Variants in MIS18A observed in about 807,000 individuals in gnomAD.
MIS18A encodes protein Mis18-alpha.
In MIS18A, 14 loss-of-function variants were observed where a neutral mutation model predicts 25.0. That is an observed-to-expected ratio of 0.56 (90% confidence interval 0.37 to 0.88). The LOEUF (loss-of-function observed/expected upper bound fraction) is 0.88, where lower values mean the gene tolerates loss of function less well. MIS18A is among the 40% of genes least tolerant of loss of function. The pLI, the probability that MIS18A is intolerant of heterozygous loss-of-function variation, is 0.00. For missense variants in MIS18A, 292 were observed against 290.8 expected (o/e 1.00, Z -0.03); for synonymous variants, 134 against 118.6 (o/e 1.13, Z -0.84).
downstream of MIS18A, among the ~76,000 whole-genome samples, chr21:32,267,764 A>AC (rs2031631575): frequency 6.6e-6 from 1 of 152,250 alleles, no homozygotes; most frequent in Non-Finnish European, 1.5e-5. Flanking sequence ...ACCTGGGACT[A>AC]CATCGAGCTT....
At chr21:32,257,263 G>T in the MIS18A span, among the ~76,000 whole-genome samples, 1 of 152,216 alleles carries the variant, frequency 6.6e-6, no homozygotes, top group South Asian at 2.1e-4. Flanking sequence ...ATGGCAAAAG[G>T]AATAACCAGT....
the MIS18A span, among the ~76,000 whole-genome samples, chr21:32,242,879 A>C: frequency 6.6e-6 from 1 of 152,206 alleles, no homozygotes; most frequent in Non-Finnish European, 1.5e-5. Flanking sequence ...GACTCCTAAC[A>C]AGTGAGTGAA....
At chr21:32,269,502 T>C in intron 4 of MIS18A, 6 of 509,436 alleles carry the variant, frequency 1.2e-5, no homozygotes, top group Non-Finnish European at 2.1e-5. Context: ...GATTTTGACA[T>C]GACATGTCTT....
the MIS18A span, among the ~76,000 whole-genome samples, chr21:32,193,291 G>A: frequency 6.6e-6 from 1 of 152,088 alleles, no homozygotes; most frequent in Non-Finnish European, 1.5e-5. Flanking sequence ...AAGAGTTCAT[G>A]GACAAAGGAC....
intron 2 of MIS18A, among the ~76,000 whole-genome samples, chr21:32,270,960 G>C (rs2031704291): frequency 6.6e-6 from 1 of 152,170 alleles, no homozygotes; most frequent in Non-Finnish European, 1.5e-5. Flanking sequence ...ATTCACAAAT[G>C]GGTGCCCGCC....
At chr21:32,219,328 G>A in the MIS18A span, among the ~76,000 whole-genome samples, 1 of 152,146 alleles carries the variant, frequency 6.6e-6, no homozygotes, top group Non-Finnish European at 1.5e-5. Flanking sequence ...CACAGAGGGT[G>A]AGCAAAAGCA....
chr21:32,163,825 G>C, the MIS18A span, among the ~76,000 whole-genome samples: 1 of 152,162 alleles, frequency 6.6e-6, no homozygotes, highest in African/African-American at 2.4e-5. Context: ...GTAACATGGT[G>C]GTTGTCTTCA....
the MIS18A span, among the ~76,000 whole-genome samples, chr21:32,254,324 G>C: frequency 6.6e-6 from 1 of 152,086 alleles, no homozygotes; most frequent in African/African-American, 2.4e-5. Context: ...TGGATCACCT[G>C]AGGTCAGGAG....
the MIS18A span, among the ~76,000 whole-genome samples, chr21:32,233,806 A>G: frequency 6.6e-6 from 1 of 152,170 alleles, no homozygotes; most frequent in Non-Finnish European, 1.5e-5. Flanking sequence ...GCCCCTGGCC[A>G]TGGCAAATTG....
the MIS18A span, among the ~76,000 whole-genome samples, chr21:32,161,476 TTTTGTTTGTTTG>T: frequency 6.6e-6 from 1 of 150,442 alleles, no homozygotes; most frequent in South Asian, 2.1e-4. Flanking sequence ...GAAGCTTGTT[TTTTGTTTGTTTG>T]TTTGTTTGTT....
At chr21:32,243,606 T>C in the MIS18A span, among the ~76,000 whole-genome samples, 2 of 152,192 alleles carry the variant, frequency 1.3e-5, no homozygotes, top group South Asian at 2.1e-4. Context: ...ACATTTCTTA[T>C]AAAGTTAAAC....
the MIS18A span, among the ~76,000 whole-genome samples, chr21:32,217,996 A>T: frequency 6.6e-6 from 1 of 151,872 alleles, no homozygotes; most frequent in African/African-American, 2.4e-5. Context: ...GATCGATACC[A>T]TCCTGGCTAA....
the MIS18A span, among the ~76,000 whole-genome samples, chr21:32,258,502 C>T: frequency 2.0e-5 from 3 of 152,088 alleles, no homozygotes; most frequent in Non-Finnish European, 4.4e-5. Context: ...AGGCTGGACA[C>T]GATGAATGTT....
the MIS18A span, among the ~76,000 whole-genome samples, chr21:32,242,429 T>A: frequency 6.6e-6 from 1 of 152,320 alleles, no homozygotes; most frequent in African/African-American, 2.4e-5. Context: ...ATATAATTAT[T>A]TCATTTTGGT....
chr21:32,207,271 A>T, the MIS18A span, among the ~76,000 whole-genome samples: 2 of 152,358 alleles, frequency 1.3e-5, no homozygotes, highest in South Asian at 4.1e-4. Context: ...CTCGTCTAGA[A>T]AGATAATGAT....
the MIS18A span, among the ~76,000 whole-genome samples, chr21:32,215,995 A>T: frequency 6.6e-6 from 1 of 152,208 alleles, no homozygotes. Flanking sequence ...CCATAAGAAG[A>T]TGTGGGGGAT....
At chr21:32,181,988 T>C in the MIS18A span, among the ~76,000 whole-genome samples, 1 of 152,228 alleles carries the variant, frequency 6.6e-6, no homozygotes, top group African/African-American at 2.4e-5. Flanking sequence ...AAAGTTGCCA[T>C]GAAAATAAAT....
At chr21:32,259,678 G>A in the MIS18A span, 1 of 152,204 alleles carries the variant, frequency 6.6e-6, no homozygotes, top group African/African-American at 2.4e-5. Context: ...TGGCGTTAAT[G>A]TGTATCTGCC....
the MIS18A span, among the ~76,000 whole-genome samples, chr21:32,222,469 A>G: frequency 6.6e-6 from 1 of 152,172 alleles, no homozygotes; most frequent in Non-Finnish European, 1.5e-5. Context: ...AACTCTCCAC[A>G]CCAAATCAAC....
Sources: allele counts gnomAD v4.1 joint callset (sites outside exome capture counted in the v4.1 genomes callset), GRCh38; gene constraint gnomAD v4.1.1; transcripts MANE v1.5; gene names NCBI Gene and HGNC (gene_info 2026-07-23, HGNC 2026-07-21).